The following PCNX1 variants were observed in gnomAD, a reference collection of about 807,000 sequenced individuals.
PCNX1 encodes the protein pecanex 1, also known as pecanex-like protein 1.
Under a neutral mutation model 242.2 loss-of-function variants are expected in PCNX1, and 78 were observed. That is an observed-to-expected ratio of 0.32 (90% CI 0.27 to 0.39). The LOEUF is 0.39. Ranked by LOEUF, PCNX1 falls within the 10% of genes least tolerant of loss-of-function variation. The probability of loss-of-function intolerance (pLI) is 1.00; values close to 1 mark genes in which losing one functional copy is unlikely to be tolerated. For missense variants in PCNX1, 2,581 were observed against 2,856.5 expected (o/e 0.90, Z 2.20); for synonymous variants, 1,024 against 1,032.9 (o/e 0.99, Z 0.17).
chr14:70,940,261 T>C (rs1473600817), intron 1 of PCNX1, among the ~76,000 whole-genome samples: 3 of 152,194 alleles, frequency 2.0e-5, no homozygotes, highest in Non-Finnish European at 4.4e-5. Flanking sequence ...TTTGCAGTGG[T>C]TGCTACTGGT....
chr14:71,037,649 A>T (rs932485029), intron 19 of PCNX1, among the ~76,000 whole-genome samples: 3 of 151,554 alleles, frequency 2.0e-5, no homozygotes, highest in Admixed American at 1.3e-4. Context: ...CCACTTGATC[A>T]TGGTGGATAA....
chr14:71,057,274 A>G, intron 25 of PCNX1, among the ~76,000 whole-genome samples: 1 of 152,182 alleles, frequency 6.6e-6, no homozygotes, highest in East Asian at 1.9e-4. Flanking sequence ...AAATTCTCAC[A>G]TTTTGTGAAT....
chr14:71,054,272 T>G (rs927669937), intron 24 of PCNX1, among the ~76,000 whole-genome samples: 1 of 152,240 alleles, frequency 6.6e-6, no homozygotes, highest in African/African-American at 2.4e-5. Flanking sequence ...GAATGGATCT[T>G]TTACCCATGC....
At chr14:71,016,220 A>ATG (rs1293028912) in intron 11 of PCNX1, among the ~76,000 whole-genome samples, 1 of 152,228 alleles carries the variant, frequency 6.6e-6, no homozygotes, top group Non-Finnish European at 1.5e-5. Context: ...ACAGTCCTAA[A>ATG]TGTTTGTACA....
At chr14:71,039,098 G>A (rs2060631569) in intron 19 of PCNX1, among the ~76,000 whole-genome samples, 1 of 151,890 alleles carries the variant, frequency 6.6e-6, no homozygotes, top group Non-Finnish European at 1.5e-5. Context: ...GGGAGGGATA[G>A]CATTGGGAGA....
intron 28 of PCNX1, chr14:71,085,635 G>C (rs17093729): frequency 6.3e-6 from 1 of 159,990 alleles, no homozygotes; most frequent in African/African-American, 2.4e-5. Flanking sequence ...ATGCTCCTCA[G>C]ACAGGTCAAA....
chr14:70,930,891 T>C (rs1055137463), intron 1 of PCNX1, among the ~76,000 whole-genome samples: 3 of 152,102 alleles, frequency 2.0e-5, no homozygotes, highest in Admixed American at 1.3e-4. Flanking sequence ...ATGCTTTACC[T>C]CAATCCCCAA....
At chr14:70,990,438 C>T (rs1319943104) in intron 7 of PCNX1, among the ~76,000 whole-genome samples, 1 of 151,742 alleles carries the variant, frequency 6.6e-6, no homozygotes, top group Admixed American at 6.6e-5. Context: ...GTGGTACGCA[C>T]CTGTAGTCCC....
chr14:71,066,025 A>G (rs549179169), intron 26 of PCNX1, among the ~76,000 whole-genome samples: 5 of 152,270 alleles, frequency 3.3e-5, no homozygotes, highest in African/African-American at 1.2e-4. Flanking sequence ...GCCTTGTAGT[A>G]TAGTTTGAAG....
At chr14:71,063,708 T>C (rs897859705) in intron 26 of PCNX1, among the ~76,000 whole-genome samples, 28 of 152,218 alleles carry the variant, frequency 1.8e-4, no homozygotes, top group Non-Finnish European at 3.5e-4. Context: ...CAAGACAGAC[T>C]CCATTCAGCC....
rs535576563 is a variant in PCNX1, at chr14:70,913,339, T to G, written c.153+5336T>G. 7.9e-5 allele frequency among the ~76,000 whole-genome samples: 12 copies of G among 152,328 alleles called. No homozygotes were observed. The East Asian group carries it at 2.1e-3, about 27-fold the overall frequency. ...TGTATCATATGGTGGAGCTGCTTAC[T>G]TAGGGGTTAGGTTCGGTGTCAGTCT... On this transcript the variant is annotated intron_variant, in intron 1 of 35. Transcript: ENST00000304743.
intron 8 of PCNX1, among the ~76,000 whole-genome samples, chr14:71,001,597 T>A (rs2059507823): frequency 6.6e-6 from 1 of 152,214 alleles, no homozygotes; most frequent in Admixed American, 6.5e-5. Context: ...GATATTTAAT[T>A]TGTCTCTTGC....
chr14:70,919,658 A>C (rs1000110312), intron 1 of PCNX1, among the ~76,000 whole-genome samples: 9 of 144,954 alleles, frequency 6.2e-5, no homozygotes, highest in Non-Finnish European at 1.3e-4. Context: ...TTTACTAAAT[A>C]CTATAGATGA....
chr14:71,106,789 A>G (rs779201827), intron 33 of PCNX1, among the ~76,000 whole-genome samples: 2 of 151,930 alleles, frequency 1.3e-5, no homozygotes, highest in South Asian at 4.1e-4. Flanking sequence ...CTATTTTTCT[A>G]TTTGGTTATC....
rs777494885 is a variant in PCNX1, at chr14:71,008,655, CAAAAAAAAAA to C, written c.2630-961_2630-952del. Reference sequence around the variant, plus strand: ...TGGGTGACAGAGCGAGACTCTGTCTCAAAAAAAAAAAAAAAAAAAAAAAAAAAGGGATTCC... The same window carrying C: ...TGGGTGACAGAGCGAGACTCTGTCTCAAAAAAAAAAAAAAAAAGGGATTCC... On this transcript the variant is annotated intron_variant, in intron 8 of 35. Coordinates refer to ENST00000304743, the MANE Select transcript of PCNX1 (RefSeq NM_014982.3). 6.6e-3 allele frequency among the ~76,000 whole-genome samples: 217 copies of C among 32,746 alleles called. 1 individual carries two copies. The highest frequency in any genetic ancestry group is 0.017 in the Middle Eastern group (1 of 60). The allele number at this position is 32,746 out of a possible 152,430, so 21.5% of individuals were successfully genotyped here.
In PCNX1 at chr14:71,033,453, C is replaced by T. The variant is rs1391246108; in HGVS notation, c.3583C>T (p.Pro1195Ser). 1 of 1,602,924 alleles carries T rather than the reference C, an allele frequency of 6.2e-7. No homozygotes were observed. Among genetic ancestry groups the T allele is most frequent in the Non-Finnish European group, 8.5e-7 (1 of 1,170,394 alleles). ...GGATTCTTGGGATGGCCAGCATATT[C>T]CAGTACTTTTCTCCATTTTTTGTGG... ...LKDSWDGQHI[P>S]VLFSIFCGLL... The change falls in exon 17 of 36, where the codon CCA becomes TCA. Residue 1195 changes from proline (P) to serine (S), a missense_variant. This residue lies in a region of PCNX1 where 432 missense variants were observed against 443.1 expected (regional missense o/e 0.97). Transcript: ENST00000304743.
chr14:70,998,795 T>C (rs1486708653), intron 8 of PCNX1, among the ~76,000 whole-genome samples: 1 of 151,470 alleles, frequency 6.6e-6, no homozygotes, highest in Non-Finnish European at 1.5e-5. Context: ...TAGTTTTCTT[T>C]CCTATTTATA....
intron 15 of PCNX1, 47 bp from the exon 16 acceptor site, chr14:71,028,653 C>T (rs1264904200): frequency 9.1e-7 from 1 of 1,095,906 alleles, no homozygotes; most frequent in Non-Finnish European, 1.4e-6. Context: ...TAATTATTTT[C>T]ATATATTTTT....
rs2062576832 is a variant in PCNX1 at position 71,105,161 on chromosome 14, G to A, written c.6096-74G>A. The A allele has an allele frequency of 5.3e-6, 6 of 1,123,064 alleles. No individual in the cohort carries two copies. The Admixed American group carries it at 1.1e-4, about 21-fold the overall frequency. 69.6% of individuals were successfully genotyped at this position (1,123,064 alleles called of 1,614,324 possible). On this transcript the variant is annotated intron_variant, in intron 32 of 35. Transcript: ENST00000304743. Reference sequence around the variant, plus strand: ...TTAGTAGCATTTGCAGTTCAGAATAGCTGGAAAAAGAATAAAATACCCATT... The same window carrying A: ...TTAGTAGCATTTGCAGTTCAGAATAACTGGAAAAAGAATAAAATACCCATT...
Sources: gnomAD v4.1 joint callset for allele counts (sites outside exome capture counted in the v4.1 genomes callset) on GRCh38, gnomAD v4.1.1 for gene constraint, gnomAD v4.1.1 regional missense constraint, MANE v1.5 for transcripts, NCBI Gene and HGNC (gene_info 2026-07-23, HGNC 2026-07-21) for gene names.